Variants in NAPG observed in about 807,000 individuals in gnomAD.
NAPG encodes gamma-soluble NSF attachment protein.
Under a neutral mutation model 48.4 loss-of-function variants are expected in NAPG, and 25 were observed. The observed-to-expected ratio is 0.52, with a 90% CI of 0.38 to 0.72. The LOEUF is 0.72. NAPG is among the 30% of genes least tolerant of loss of function. NAPG has a pLI of 0.00. For missense variants in NAPG, 359 were observed against 372.5 expected (o/e 0.96, Z 0.30); for synonymous variants, 139 against 127.2 (o/e 1.09, Z -0.62).
At chr18:10,527,875 T>A (rs1251884438) in intron 1 of NAPG, among the ~76,000 whole-genome samples, 1 of 152,122 alleles carries the variant, frequency 6.6e-6, no homozygotes, top group African/African-American at 2.4e-5. Context: ...TCGGTTAGAT[T>A]TGCTTTTGGT....
chr18:10,548,287 CT>C lies in NAPG; in HGVS notation c.586-8del. The C allele has an allele frequency of 1.9e-6, 3 of 1,603,462 alleles. No individual in the cohort carries two copies. Among genetic ancestry groups the C allele is most frequent in the Non-Finnish European group, 2.6e-6 (3 of 1,170,564 alleles). On this transcript the variant is annotated splice_polypyrimidine_tract_variant and intron_variant, in intron 9 of 11. Coordinates refer to ENST00000322897, the MANE Select transcript of NAPG (RefSeq NM_003826.3). The surrounding 1 kb of genome is among the most constrained non-coding windows in gnomAD (Gnocchi z 4.4). ...GATGTAAATTTGACCATGATCCTCT[CT>C]TTTGTTTTAGAAAACAATTGCTCAA...
intron 1 of NAPG, 88 bp downstream of exon 1, chr18:10,526,246 G>GGGGGC: frequency 6.1e-6 from 3 of 490,184 alleles, no homozygotes; most frequent in Non-Finnish European, 8.3e-6. Context: ...GGGCGGGAGG[G>GGGGGC]AGGGCTCAGG....
At chr18:10,536,125 A>G (rs1437179905) in intron 5 of NAPG, among the ~76,000 whole-genome samples, 9 of 152,182 alleles carry the variant, frequency 5.9e-5, no homozygotes, top group Non-Finnish European at 1.3e-4. Context: ...ATCTTCATCA[A>G]AAGTTATTAT....
rs2032323273 is a variant in NAPG at position 10,548,848 on chromosome 18, A to G, written c.666-119A>G. On this transcript the variant is annotated intron_variant, in intron 10 of 11. Coordinates refer to ENST00000322897, the MANE Select transcript of NAPG (RefSeq NM_003826.3). The surrounding 1 kb of genome is among the most constrained non-coding windows in gnomAD (Gnocchi z 4.4). Reference sequence around the variant, plus strand: ...CCCTCTAGATGCCACTAGCATTCCCACACTTTTAAGTACCAAAATGTCTCC... The same window carrying G: ...CCCTCTAGATGCCACTAGCATTCCCGCACTTTTAAGTACCAAAATGTCTCC... 3 of 1,308,220 alleles carry G rather than the reference A, an allele frequency of 2.3e-6. No individual in the cohort carries two copies. In the Admixed American group the frequency reaches 7.5e-5, roughly 33 times the overall value. 81.0% of individuals were successfully genotyped at this position (1,308,220 alleles called of 1,614,324 possible).
At chr18:10,541,277 T>G (rs905701268) in intron 8 of NAPG, among the ~76,000 whole-genome samples, 1 of 152,236 alleles carries the variant, frequency 6.6e-6, no homozygotes, top group African/African-American at 2.4e-5. Flanking sequence ...AGTATTTTTT[T>G]GTCTAAATGG....
intron 1 of NAPG, among the ~76,000 whole-genome samples, chr18:10,530,188 C>CTTTTTTTTTTTTT: frequency 1.5e-5 from 1 of 67,330 alleles, no homozygotes. Context: ...CGAGTTTTCA[C>CTTTTTTTTTTTTT]TTTTTTTTTT....
Position 10,534,994 on chromosome 18 carries a change from T to A in NAPG, c.258+498T>A, listed in dbSNP as rs1212661591. 6.6e-6 allele frequency among the ~76,000 whole-genome samples: 1 copy of A among 152,254 alleles called. No homozygotes were observed. Among genetic ancestry groups the A allele is most frequent in the African/African-American group, 2.4e-5 (1 of 41,468 alleles). On this transcript the variant is annotated intron_variant, in intron 5 of 11. Coordinates refer to ENST00000322897, the MANE Select transcript of NAPG (RefSeq NM_003826.3). This position sits in a 1 kb window ranked among gnomAD's most constrained non-coding sequence, Gnocchi z 5.0. ...AATGTACCTGTGCCACTGTTTGTACTTCTGCTCCTCAAAAGCAGGCCAGGA... is the reference window on the plus strand; with the variant it reads ...AATGTACCTGTGCCACTGTTTGTACATCTGCTCCTCAAAAGCAGGCCAGGA...
intron 9 of NAPG, among the ~76,000 whole-genome samples, chr18:10,547,789 A>T (rs1598413237): frequency 6.6e-6 from 1 of 152,134 alleles, no homozygotes; most frequent in Non-Finnish European, 1.5e-5. Flanking sequence ...CCTTGATCTT[A>T]TTACTACTTT....
In NAPG at chr18:10,534,543, C is replaced by G. The variant is rs772371214; in HGVS notation, c.258+47C>G. 2 of 1,575,444 alleles carry G rather than the reference C, an allele frequency of 1.3e-6. No homozygotes were observed. The highest frequency in any genetic ancestry group is 1.1e-5 in the South Asian group (1 of 90,248). Reference sequence around the variant, plus strand: ...TTGTTGTGTAGGTAAAATGAATTAACTACAAGGTGTTAAACAAGAATTTTT... The same window carrying G: ...TTGTTGTGTAGGTAAAATGAATTAAGTACAAGGTGTTAAACAAGAATTTTT... On this transcript the variant is annotated intron_variant, in intron 5 of 11. Transcript: ENST00000322897. This position sits in a 1 kb window ranked among gnomAD's most constrained non-coding sequence, Gnocchi z 5.0.
intron 1 of NAPG, chr18:10,526,830 G>A (rs991847990): frequency 2.0e-5 from 3 of 152,244 alleles, no homozygotes; most frequent in African/African-American, 7.2e-5. Context: ...TCATCCTTTT[G>A]GCAGCCTCTT....
At chr18:10,530,188 C>CTTTTTTTTTTTTTTTTTTTTTTTTT (rs58597079) in intron 1 of NAPG, among the ~76,000 whole-genome samples, 1 of 67,320 alleles carries the variant, frequency 1.5e-5, no homozygotes, top group Non-Finnish European at 2.8e-5. Context: ...CGAGTTTTCA[C>CTTTTTTTTTTTTTTTTTTTTTTTTT]TTTTTTTTTT....
intron 11 of NAPG, 111 bp from the exon 12 acceptor site, chr18:10,549,966 A>T: frequency 8.8e-7 from 1 of 1,132,672 alleles, no homozygotes; most frequent in Non-Finnish European, 1.2e-6. Flanking sequence ...TCTGAATGGT[A>T]GAATTGGTGT....
intron 9 of NAPG, among the ~76,000 whole-genome samples, chr18:10,547,591 G>A (rs1329499059): frequency 6.6e-6 from 1 of 152,010 alleles, no homozygotes; most frequent in Non-Finnish European, 1.5e-5. Flanking sequence ...GAACTAATTG[G>A]GAATTTTAGG....
chr18:10,537,507 G>A (rs374435453), intron 5 of NAPG, among the ~76,000 whole-genome samples: 1 of 152,144 alleles, frequency 6.6e-6, no homozygotes, highest in Non-Finnish European at 1.5e-5. Flanking sequence ...AAGAAGAGGG[G>A]TTGGTTTTGC....
chr18:10,541,741 G>T (rs2032162512), intron 8 of NAPG, among the ~76,000 whole-genome samples: 1 of 152,196 alleles, frequency 6.6e-6, no homozygotes, highest in Non-Finnish European at 1.5e-5. Flanking sequence ...AGACCCCATG[G>T]AAGGTGAAGG....
chr18:10,548,290 T>C lies in NAPG; in HGVS notation c.586-9T>C, dbSNP rs747993037. ...GTAAATTTGACCATGATCCTCTCTT[T>C]TGTTTTAGAAAACAATTGCTCAAGT... On this transcript the variant is annotated splice_polypyrimidine_tract_variant and intron_variant, in intron 9 of 11. Transcript: ENST00000322897. This position sits in a 1 kb window ranked among gnomAD's most constrained non-coding sequence, Gnocchi z 4.4. The C allele has an allele frequency of 2.6e-5, 41 of 1,605,572 alleles. No individual in the cohort carries two copies. The highest frequency in any genetic ancestry group is 3.4e-5 in the Non-Finnish European group (40 of 1,172,526).
At chr18:10,532,941 T>C in intron 3 of NAPG, 146 bp downstream of exon 3, 2 of 724,902 alleles carry the variant, frequency 2.8e-6, no homozygotes, top group East Asian at 2.8e-5. Flanking sequence ...ATTTTTAAAC[T>C]ATGAAGGAGC....
rs1411652347 is a variant in NAPG, at chr18:10,551,467, T to G, written c.*1247T>G. 2.0e-5 allele frequency: 3 copies of G among 152,230 alleles called. No individual in the cohort carries two copies. The highest frequency in any genetic ancestry group is 4.4e-5 in the Non-Finnish European group (3 of 68,034). 9.4% of individuals were successfully genotyped at this position (152,230 alleles called of 1,614,324 possible). ...ACCGCACTGCCAATATATTGATCCT[T>G]TATAGTTATTTCCTAAAATGCTGTT... On this transcript the variant is annotated 3_prime_UTR_variant, in exon 12 of 12. Coordinates refer to ENST00000322897, the MANE Select transcript of NAPG (RefSeq NM_003826.3).
intron 2 of NAPG, among the ~76,000 whole-genome samples, chr18:10,532,137 A>G (rs1453353285): frequency 6.6e-6 from 1 of 152,194 alleles, no homozygotes; most frequent in African/African-American, 2.4e-5. Context: ...ACACTTTTAA[A>G]ACAGCTTTCA....
Sources: allele counts gnomAD v4.1 joint callset (sites outside exome capture counted in the v4.1 genomes callset), GRCh38; gene constraint gnomAD v4.1.1; non-coding constraint Gnocchi (gnomAD v3.1); transcripts MANE v1.5; gene names NCBI Gene and HGNC (gene_info 2026-07-23, HGNC 2026-07-21).